GMEB2: variants seen among roughly 807,000 people sequenced by gnomAD.
GMEB2 encodes glucocorticoid modulatory element-binding protein 2.
Under a neutral mutation model 45.7 loss-of-function variants are expected in GMEB2, and 7 were observed. The observed-to-expected ratio is 0.15, with a 90% CI of 0.09 to 0.29. GMEB2 has a LOEUF of 0.29. GMEB2 is among the 10% of genes least tolerant of loss of function. The pLI is 1.00. For missense variants in GMEB2, 582 were observed against 739.2 expected, an observed-to-expected ratio of 0.79 and a Z score of 2.47; for synonymous variants, 322 against 323.6, an observed-to-expected ratio of 1.00 and a Z score of 0.05.
At chr20:63,620,781 G>A (rs1274561263) in intron 1 of GMEB2, among the ~76,000 whole-genome samples, 1 of 152,144 alleles carries the variant, frequency 6.6e-6, no homozygotes, top group African/African-American at 2.4e-5. Flanking sequence ...CATTCTCTGT[G>A]AAACTTAAAA....
chr20:63,590,068 G>A lies in GMEB2; in HGVS notation c.*21C>T. 2 of 1,494,302 alleles carry A rather than the reference G, an allele frequency of 1.3e-6. No homozygotes were observed. Among genetic ancestry groups the A allele is most frequent in the Non-Finnish European group, 1.8e-6 (2 of 1,124,826 alleles). 92.6% of individuals were successfully genotyped at this position (1,494,302 alleles called of 1,614,324 possible). On this transcript the variant is annotated 3_prime_UTR_variant, in exon 10 of 10. Coordinates refer to ENST00000370077, the MANE Select transcript of GMEB2 (RefSeq NM_012384.5). ...GAGACAGCCAGCCCTGTCCGTCCCA[G>A]GGGCCTCGCCCTCCTGTCGGCTACT...
intron 2 of GMEB2, among the ~76,000 whole-genome samples, chr20:63,618,625 G>A (rs537364094): frequency 6.6e-5 from 10 of 152,338 alleles, no homozygotes; most frequent in African/African-American, 2.2e-4. Context: ...GACACAGCAA[G>A]GATGAGACCA....
At chr20:63,623,970 C>G (rs1011379881) in intron 1 of GMEB2, among the ~76,000 whole-genome samples, 34 of 150,144 alleles carry the variant, frequency 2.3e-4, no homozygotes, top group Admixed American at 1.7e-3. Flanking sequence ...ATTAGCTGGG[C>G]GTGGTGGTGT....
intron 5 of GMEB2, 131 bp downstream of exon 5, chr20:63,597,626 C>G (rs943693413): frequency 1.9e-5 from 12 of 630,560 alleles, no homozygotes; most frequent in African/African-American, 1.6e-4. Flanking sequence ...GGTGCAGCAG[C>G]CACCCGGGAG....
chr20:63,606,540 G>A (rs967880630), intron 2 of GMEB2, among the ~76,000 whole-genome samples: 3 of 151,938 alleles, frequency 2.0e-5, no homozygotes, highest in African/African-American at 4.8e-5. Context: ...TTAGAGACAG[G>A]GTTTCACTGT....
At chr20:63,591,667 G>A (rs541765838) in intron 9 of GMEB2, among the ~76,000 whole-genome samples, 7 of 152,224 alleles carry the variant, frequency 4.6e-5, no homozygotes, top group South Asian at 2.1e-4. Flanking sequence ...GTTTCACCAC[G>A]TTGGCCAGGC....
chr20:63,621,495 G>T (rs922015211), intron 1 of GMEB2, among the ~76,000 whole-genome samples: 1 of 151,968 alleles, frequency 6.6e-6, no homozygotes, highest in African/African-American at 2.4e-5. Flanking sequence ...GTGAAATCCT[G>T]TCTTGACTAA....
rs960510626 is a variant in GMEB2 at position 63,589,300 on chromosome 20, C to G, written c.*789G>C. On this transcript the variant is annotated 3_prime_UTR_variant, in exon 10 of 10. Coordinates refer to ENST00000370077, the MANE Select transcript of GMEB2 (RefSeq NM_012384.5). ...GCTCAGGGGCCACCCAAAGAGCTAA[C>G]TCGGGAAGCCTAGGCACTCACCATT... The G allele has an allele frequency of 2.5e-5, 10 of 398,290 alleles. No homozygotes were observed. Among genetic ancestry groups the G allele is most frequent in the African/African-American group, 2.1e-4 (10 of 48,648 alleles). The allele number at this position is 398,290 out of a possible 1,614,324, so 24.7% of individuals were successfully genotyped here.
chr20:63,616,037 C>T (rs2089606148), intron 2 of GMEB2, among the ~76,000 whole-genome samples: 1 of 152,018 alleles, frequency 6.6e-6, no homozygotes, highest in Non-Finnish European at 1.5e-5. Flanking sequence ...CTTTTTCTTT[C>T]TAAATAATTC....
chr20:63,619,580 C>T lies in GMEB2; in HGVS notation c.-57-126G>A, dbSNP rs1569059532. 1.9e-6 allele frequency: 1 copy of T among 520,212 alleles called. No individual in the cohort carries two copies. The highest frequency in any genetic ancestry group is 3.3e-6 in the Non-Finnish European group (1 of 300,138). The allele number at this position is 520,212 out of a possible 1,614,324, so 32.2% of individuals were successfully genotyped here. A position where few individuals can be genotyped will look rare whatever the true frequency, so the allele number is the denominator to read the frequency against. On this transcript the variant is annotated intron_variant, in intron 1 of 9. Transcript: ENST00000370077. The surrounding 1 kb of genome is among the most constrained non-coding windows in gnomAD (Gnocchi z 4.6). Reference sequence around the variant, plus strand: ...TGAGTCCCAGACTGCTACCTCCTGACAAAAACGAGCGGCAACAGAAGGGCT... The same window carrying T: ...TGAGTCCCAGACTGCTACCTCCTGATAAAAACGAGCGGCAACAGAAGGGCT...
intron 1 of GMEB2, among the ~76,000 whole-genome samples, chr20:63,624,219 C>A (rs2089655853): frequency 6.6e-6 from 1 of 151,852 alleles, no homozygotes; most frequent in Non-Finnish European, 1.5e-5. Flanking sequence ...GAATTCAAGA[C>A]CAGCCTGGCC....
At chr20:63,598,708 C>A (rs988290740) in intron 4 of GMEB2, among the ~76,000 whole-genome samples, 1 of 152,158 alleles carries the variant, frequency 6.6e-6, no homozygotes, top group East Asian at 1.9e-4. Flanking sequence ...AACACTAAGC[C>A]CAGCCAGTCT....
At position 63,593,850 on chromosome 20, in the gene GMEB2, C is replaced by T. The variant is rs960657646; in HGVS notation, c.620-768G>A. 2.0e-5 allele frequency among the ~76,000 whole-genome samples: 3 copies of T among 152,158 alleles called. No homozygotes were observed. Among genetic ancestry groups the T allele is most frequent in the Admixed American group, 6.6e-5 (1 of 15,256 alleles). Reference sequence around the variant, plus strand: ...CAGCCTGGGCAACACGGCAAAACCCCGTCTCTACTAAAATACAAAGTCAAC... The same window carrying T: ...CAGCCTGGGCAACACGGCAAAACCCTGTCTCTACTAAAATACAAAGTCAAC... On this transcript the variant is annotated intron_variant, in intron 6 of 9. Coordinates refer to ENST00000370077, the MANE Select transcript of GMEB2 (RefSeq NM_012384.5). This position sits in a 1 kb window ranked among gnomAD's most constrained non-coding sequence, Gnocchi z 4.7.
chr20:63,625,968 G>C (rs1240052646), intron 1 of GMEB2, among the ~76,000 whole-genome samples: 1 of 152,344 alleles, frequency 6.6e-6, no homozygotes, highest in Non-Finnish European at 1.5e-5. Context: ...TGTTGTATTT[G>C]AAGTGTTAGC....
At position 63,588,741 on chromosome 20, in the gene GMEB2, A is replaced by C. The variant is rs1424121259; in HGVS notation, c.*1348T>G. 5.0e-6 allele frequency: 2 copies of C among 398,572 alleles called. No homozygotes were observed. Among genetic ancestry groups the C allele is most frequent in the African/African-American group, 4.1e-5 (2 of 48,634 alleles). 24.7% of individuals were successfully genotyped at this position (398,572 alleles called of 1,614,324 possible). On this transcript the variant is annotated 3_prime_UTR_variant, in exon 10 of 10. Transcript: ENST00000370077. ...CGGGCCTTCAACTGCCGACAGAATC[A>C]GCAGGAGCGTCCAGGGGAATCTGGC...
At chr20:63,601,742 G>A (rs1031835063) in intron 4 of GMEB2, among the ~76,000 whole-genome samples, 5 of 152,234 alleles carry the variant, frequency 3.3e-5, no homozygotes, top group Admixed American at 6.5e-5. Context: ...AACCCCAACA[G>A]CCGAGGCTGC....
At chr20:63,624,546 G>A (rs770574275) in intron 1 of GMEB2, among the ~76,000 whole-genome samples, 145 of 152,214 alleles carry the variant, frequency 9.5e-4, no homozygotes, top group Non-Finnish European at 7.2e-4. Context: ...ATAAGGGTAA[G>A]CTCAGCAGGG....
rs1434510576 is a variant in GMEB2, at chr20:63,592,225, C to G, written c.830-81G>C. 3 of 1,388,920 alleles carry G rather than the reference C, an allele frequency of 2.2e-6. No homozygotes were observed. Among genetic ancestry groups the G allele is most frequent in the Non-Finnish European group, 3.0e-6 (3 of 1,006,892 alleles). 86.0% of individuals were successfully genotyped at this position (1,388,920 alleles called of 1,614,324 possible). On this transcript the variant is annotated intron_variant, in intron 8 of 9. Coordinates refer to ENST00000370077, the MANE Select transcript of GMEB2 (RefSeq NM_012384.5). The surrounding 1 kb of genome is among the most constrained non-coding windows in gnomAD (Gnocchi z 8.2). Reference sequence around the variant, plus strand: ...GCGGACGCTCGGTGAGAGCCCGGGACCTTCCTAGAGAGTCACGTGGACGCT... The same window carrying G: ...GCGGACGCTCGGTGAGAGCCCGGGAGCTTCCTAGAGAGTCACGTGGACGCT...
chr20:63,606,996 G>A (rs1027902926), intron 2 of GMEB2, among the ~76,000 whole-genome samples: 1 of 152,052 alleles, frequency 6.6e-6, no homozygotes, highest in African/African-American at 2.4e-5. Flanking sequence ...GCTATGAGGA[G>A]GGCACTCCGC....
Sources: gnomAD v4.1 joint callset for allele counts (sites outside exome capture counted in the v4.1 genomes callset) on GRCh38, gnomAD v4.1.1 for gene constraint, Gnocchi (gnomAD v3.1) non-coding constraint, MANE v1.5 for transcripts, NCBI Gene and HGNC (gene_info 2026-07-23, HGNC 2026-07-21) for gene names.